Variants in TPST1 observed in about 807,000 individuals in gnomAD.
TPST1 encodes the protein protein-tyrosine sulfotransferase 1.
TPST1 carries 20 observed loss-of-function variants against 34.8 expected under a neutral mutation model. That is an observed-to-expected ratio of 0.57 (90% CI 0.40 to 0.84). The LOEUF is 0.84. Among genes scored for constraint, TPST1 ranks in the 40% least tolerant of loss-of-function variants. The pLI is 0.00. For synonymous variants in TPST1, 152 were observed against 159.4 expected, an observed-to-expected ratio of 0.95 and a Z score of 0.35; for missense variants, 353 against 455.5, an observed-to-expected ratio of 0.78 and a Z score of 2.05.
chr7:66,232,014 A>G (rs1307426981), intron 1 of TPST1, among the ~76,000 whole-genome samples: 2 of 152,180 alleles, frequency 1.3e-5, no homozygotes, highest in Non-Finnish European at 2.9e-5. Flanking sequence ...TGGATATACC[A>G]CATTTTGTTT....
chr7:66,233,542 A>G (rs138782318), intron 1 of TPST1, among the ~76,000 whole-genome samples: 85 of 152,180 alleles, frequency 5.6e-4, no homozygotes, highest in African/African-American at 1.9e-3. Flanking sequence ...ATTCTGTTCT[A>G]TTCATTTATG....
chr7:66,237,909 A>C (rs1444581987), intron 1 of TPST1, among the ~76,000 whole-genome samples: 1 of 152,120 alleles, frequency 6.6e-6, no homozygotes, highest in African/African-American at 2.4e-5. Context: ...ATGCAGATGA[A>C]CTGGGGAGGA....
At chr7:66,211,943 C>T (rs1001350303) in intron 1 of TPST1, among the ~76,000 whole-genome samples, 4 of 151,994 alleles carry the variant, frequency 2.6e-5, no homozygotes, top group East Asian at 3.9e-4. Context: ...TCCAGCCTGG[C>T]GACAGAGCAA....
At chr7:66,336,309 C>CA (rs369471875) in intron 3 of TPST1, among the ~76,000 whole-genome samples, 1,558 of 84,048 alleles carry the variant, frequency 0.019, 9 homozygotes, top group Middle Eastern at 0.027. Flanking sequence ...GACTCCGCCT[C>CA]AAAAAAAAAA....
At chr7:66,250,168 T>G (rs1043782075) in intron 2 of TPST1, among the ~76,000 whole-genome samples, 7 of 152,286 alleles carry the variant, frequency 4.6e-5, no homozygotes, top group African/African-American at 1.7e-4. Context: ...TATGCTGAGC[T>G]CTCTGTGTGC....
chr7:66,310,983 G>A (rs1465687664), intron 3 of TPST1, among the ~76,000 whole-genome samples: 2 of 152,014 alleles, frequency 1.3e-5, no homozygotes, highest in Non-Finnish European at 2.9e-5. Flanking sequence ...ATAGGCATGA[G>A]CCACTTTGTC....
chr7:66,349,329 G>A (rs1792421694), intron 3 of TPST1, among the ~76,000 whole-genome samples: 1 of 152,200 alleles, frequency 6.6e-6, no homozygotes, highest in Admixed American at 6.5e-5. Context: ...GCAGCACTTT[G>A]GGAGGCCGAG....
intron 1 of TPST1, among the ~76,000 whole-genome samples, chr7:66,235,851 C>G (rs1397492073): frequency 6.6e-6 from 1 of 152,124 alleles, no homozygotes; most frequent in Non-Finnish European, 1.5e-5. Flanking sequence ...GGCAGGAAGA[C>G]TTGAAGCGGG....
intron 3 of TPST1, among the ~76,000 whole-genome samples, chr7:66,322,954 C>T (rs1326172239): frequency 6.6e-6 from 1 of 151,550 alleles, no homozygotes; most frequent in Non-Finnish European, 1.5e-5. Context: ...AAATAGTAGC[C>T]ATTCTAATGG....
At chr7:66,292,509 G>C (rs1379331978) in intron 3 of TPST1, among the ~76,000 whole-genome samples, 1 of 56,520 alleles carries the variant, frequency 1.8e-5, no homozygotes, top group African/African-American at 8.7e-5. Context: ...CAATCAGCGA[G>C]ATTCCGTGGG....
chr7:66,275,180 C>T (rs543311210), intron 2 of TPST1, among the ~76,000 whole-genome samples: 11 of 151,622 alleles, frequency 7.3e-5, no homozygotes, highest in East Asian at 1.9e-4. Context: ...GGTGACAGAG[C>T]GAGACTCCGT....
chr7:66,239,479 T>C (rs1789981852), intron 1 of TPST1, among the ~76,000 whole-genome samples: 1 of 152,258 alleles, frequency 6.6e-6, no homozygotes, highest in African/African-American at 2.4e-5. Flanking sequence ...CTTTTCAAAG[T>C]TGGTCCTCAG....
chr7:66,275,793 G>C (rs1790797190), intron 2 of TPST1, among the ~76,000 whole-genome samples: 1 of 152,130 alleles, frequency 6.6e-6, no homozygotes, highest in Non-Finnish European at 1.5e-5. Context: ...ATAAGTTCAA[G>C]AGATGTATAC....
At chr7:66,230,813 G>A (rs1789768564) in intron 1 of TPST1, among the ~76,000 whole-genome samples, 1 of 152,156 alleles carries the variant, frequency 6.6e-6, no homozygotes, top group Non-Finnish European at 1.5e-5. Flanking sequence ...CCTGCTGATT[G>A]GTAGAGCCGA....
chr7:66,326,192 A>G (rs977946990), intron 3 of TPST1, among the ~76,000 whole-genome samples: 4 of 152,130 alleles, frequency 2.6e-5, no homozygotes, highest in African/African-American at 9.7e-5. Context: ...TTTGATCCAC[A>G]TGTCTGTTTG....
At chr7:66,313,870 C>T (rs1443527857) in intron 3 of TPST1, among the ~76,000 whole-genome samples, 1 of 151,978 alleles carries the variant, frequency 6.6e-6, no homozygotes, top group Non-Finnish European at 1.5e-5. Flanking sequence ...TCCTCCCCTA[C>T]CAGTACAGGT....
chr7:66,261,556 C>G (rs754958375), intron 2 of TPST1, among the ~76,000 whole-genome samples: 2 of 151,980 alleles, frequency 1.3e-5, no homozygotes, highest in Non-Finnish European at 2.9e-5. Context: ...TTTATGTTAT[C>G]CTGGATTCAG....
chr7:66,343,922 C>T (rs544351273), intron 3 of TPST1, among the ~76,000 whole-genome samples: 1 of 152,120 alleles, frequency 6.6e-6, no homozygotes, highest in South Asian at 2.1e-4. Flanking sequence ...ACAATAGAAA[C>T]TCTAAGAAAG....
chr7:66,316,039 T>C (rs6460287), intron 3 of TPST1, among the ~76,000 whole-genome samples: 100,640 of 151,234 alleles, frequency 0.67, 33,824 homozygotes, highest in African/African-American at 0.76. Context: ...GAACTCAGGA[T>C]GCGGAGGTTG....
Sources: gnomAD v4.1 joint callset for allele counts (sites outside exome capture counted in the v4.1 genomes callset) on GRCh38, gnomAD v4.1.1 for gene constraint, MANE v1.5 for transcripts, NCBI Gene and HGNC (gene_info 2026-07-23, HGNC 2026-07-21) for gene names.